ALPK3: variants seen among roughly 807,000 people sequenced by gnomAD.
ALPK3 encodes alpha kinase 3.
In ALPK3, 102 loss-of-function variants were observed where a neutral mutation model predicts 140.0. The observed-to-expected ratio is 0.73, with a 90% confidence interval of 0.62 to 0.86. The LOEUF is 0.86. ALPK3 is among the 40% of genes least tolerant of loss of function. ALPK3 has a pLI of 0.00. For synonymous variants in ALPK3, 938 were observed against 898.5 expected (o/e 1.04, Z -0.79); for missense variants, 2,254 against 2,208.2 (o/e 1.02, Z -0.42).
rs559687719 is a variant in ALPK3, at chr15:84,825,238, G to C, written c.182+1870G>C. On this transcript the variant is annotated intron_variant, in intron 2 of 13. Coordinates refer to ENST00000258888, the MANE Select transcript of ALPK3 (RefSeq NM_020778.5). ...TGTCACCAGGCTGGAGTGCAGTGGC[G>C]TGATCTCGGCTCACTGCAACCTCTG... Among the ~76,000 whole-genome samples, 182 of 151,524 alleles carry C rather than the reference G, an allele frequency of 1.2e-3. 2 individuals are homozygous for C. The highest frequency in any genetic ancestry group is 1.5e-3 in the African/African-American group (60 of 41,224).
rs202153052 is a variant in ALPK3, at chr15:84,857,274, G to C, written c.2536G>C (p.Gly846Arg). 22 of 1,613,972 alleles carry C rather than the reference G, an allele frequency of 1.4e-5. No homozygotes were observed. The Admixed American group carries it at 3.5e-4, about 26-fold the overall frequency. Residue 846 changes from glycine (G) to arginine (R), a missense_variant, in exon 6 of 14, where the codon GGA becomes CGA. By Grantham distance (125) the Gly-to-Arg change is moderately radical (BLOSUM62 -2). Coordinates refer to ENST00000258888, the MANE Select transcript of ALPK3 (RefSeq NM_020778.5). ...FQCPKEERPG[G>R]VPCMDQGGCP... ...GTGCCCCAAGGAGGAGCGGCCAGGG[G>C]GAGTGCCGTGTATGGATCAGGGTGG... is the stretch of plus-strand genomic sequence containing the variant.
In ALPK3 at chr15:84,840,842, T is replaced by C. The variant is rs1963655486; in HGVS notation, c.1563T>C (p.Ser521=). The change falls in exon 5 of 14, where the codon TCT becomes TCC. Residue 521 remains serine (S), a synonymous_variant. Coordinates refer to ENST00000258888, the MANE Select transcript of ALPK3 (RefSeq NM_020778.5). The part of the protein sequence containing the change: ...QSLGKAPPQA[S]VQVPTPPARR... ...TAGGAAAGGCCCCACCTCAGGCCTCTGTGCAGGTGCCGACGCCCCCTGCCC... is the reference window on the plus strand; with the variant it reads ...TAGGAAAGGCCCCACCTCAGGCCTCCGTGCAGGTGCCGACGCCCCCTGCCC... 10 of 1,614,096 alleles carry C rather than the reference T, an allele frequency of 6.2e-6. No individual in the cohort carries two copies. The highest frequency in any genetic ancestry group is 1.1e-5 in the South Asian group (1 of 91,096).
rs1964032936 is a variant in ALPK3, at chr15:84,868,690, C to T, written c.*234C>T. On this transcript the variant is annotated 3_prime_UTR_variant, in exon 14 of 14. Coordinates refer to ENST00000258888, the MANE Select transcript of ALPK3 (RefSeq NM_020778.5). ...CCACTGTCACCCAGGGCTCCCGGGC[C>T]TCAAGCAGTCCCCACCTCCAAGTGC... is the stretch of plus-strand genomic sequence containing the variant. 7.0e-6 allele frequency: 4 copies of T among 570,332 alleles called. No homozygotes were observed. In the African/African-American group the frequency reaches 7.5e-5, roughly 11 times the overall value. The allele number at this position is 570,332 out of a possible 1,614,324, so 35.3% of individuals were successfully genotyped here. A position where few individuals can be genotyped will look rare whatever the true frequency, so the allele number is the denominator to read the frequency against.
intron 12 of ALPK3, among the ~76,000 whole-genome samples, chr15:84,865,704 A>T (rs568541780): frequency 3.3e-5 from 5 of 152,336 alleles, no homozygotes; most frequent in Non-Finnish European, 5.9e-5. Flanking sequence ...CACGCCTGTA[A>T]TCCCAGCACT....
intron 5 of ALPK3, among the ~76,000 whole-genome samples, chr15:84,848,932 G>A (rs547499727): frequency 7.9e-5 from 12 of 151,878 alleles, no homozygotes; most frequent in African/African-American, 1.5e-4. Context: ...ACCTGAGGTC[G>A]GGAGTTCGAG....
intron 4 of ALPK3, 65 bp from the exon 5 acceptor site, chr15:84,839,637 T>C: frequency 6.6e-7 from 1 of 1,523,178 alleles, no homozygotes; most frequent in Non-Finnish European, 8.8e-7. Context: ...CGGCTCTGGC[T>C]GGGGGGTGTG....
rs2141556442 is a variant in ALPK3 at position 84,839,943 on chromosome 15, C to T, written c.664C>T (p.Gln222Ter). The T allele has an allele frequency of 6.2e-7, 1 of 1,613,612 alleles. No individual in the cohort carries two copies. The highest frequency in any genetic ancestry group is 8.5e-7 in the Non-Finnish European group (1 of 1,179,764). ...TLRKLSPDRF[Q>*]RKRRLSGAQA... is the part of the protein sequence containing the mutation. Reference sequence around the variant, plus strand: ...GCGCAAGCTCAGCCCCGACCGCTTCCAGCGAAAGCGGCGATTGAGCGGGGC... The same window carrying T: ...GCGCAAGCTCAGCCCCGACCGCTTCTAGCGAAAGCGGCGATTGAGCGGGGC... The change falls in exon 5 of 14, where the codon CAG (glutamine) becomes TAG (stop). Residue 222 changes from glutamine (Q) to a stop codon, truncating the protein, a stop_gained. Coordinates refer to ENST00000258888, the MANE Select transcript of ALPK3 (RefSeq NM_020778.5). LOFTEE classifies it high-confidence loss of function.
In ALPK3 at chr15:84,840,415, G is replaced by A; in HGVS notation, c.1136G>A (p.Gly379Glu). 6.2e-7 allele frequency: 1 copy of A among 1,613,884 alleles called. No homozygotes were observed. Among genetic ancestry groups the A allele is most frequent in the Non-Finnish European group, 8.5e-7 (1 of 1,179,900 alleles). The change falls in exon 5 of 14, where the codon GGG (glycine) becomes GAG (glutamate). Residue 379 changes from glycine (G) to glutamate (E), a missense_variant. By Grantham distance (98) the Gly-to-Glu change is moderately conservative (BLOSUM62 -2). Transcript: ENST00000258888. ...QPRGRAARGP[G>E]SSGTDSTRKP... ...AGAGGCAGGGCTGCACGGGGGCCTG[G>A]GTCCTCTGGCACAGATAGTACCAGG...
chr15:84,820,100 G>T (rs1001377381), intron 1 of ALPK3, among the ~76,000 whole-genome samples: 3 of 152,208 alleles, frequency 2.0e-5, no homozygotes, highest in Non-Finnish European at 4.4e-5. Flanking sequence ...GTAGGCTAGA[G>T]AAGTTAAGGG....
At position 84,856,591 on chromosome 15, in the gene ALPK3, T is replaced by C. The variant is rs1000115945; in HGVS notation, c.1853T>C (p.Val618Ala). The C allele has an allele frequency of 1.2e-6, 2 of 1,613,790 alleles. No individual in the cohort carries two copies. Among genetic ancestry groups the C allele is most frequent in the Admixed American group, 1.7e-5 (1 of 59,990 alleles). ...KNVQADGKIQ[V>A]DGRTRGDGTQ... ...GTGCAGGCAGATGGGAAGATACAAG[T>C]GGATGGAAGGACCAGGGGAGATGGA... Residue 618 changes from valine (V) to alanine (A), a missense_variant, in exon 6 of 14, where the codon GTG (valine) becomes GCG (alanine). By Grantham distance (64) the Val-to-Ala change is moderately conservative. Coordinates refer to ENST00000258888, the MANE Select transcript of ALPK3 (RefSeq NM_020778.5).
chr15:84,850,580 G>T (rs933055666), intron 5 of ALPK3, among the ~76,000 whole-genome samples: 135 of 151,964 alleles, frequency 8.9e-4, no homozygotes, highest in African/African-American at 2.9e-3. Flanking sequence ...TAGAGACAGG[G>T]TCTTGCTGTG....
At chr15:84,827,397 G>A in intron 2 of ALPK3, 87 bp from the exon 3 acceptor site, 2 of 1,568,746 alleles carry the variant, frequency 1.3e-6, no homozygotes, top group Non-Finnish European at 1.7e-6. Flanking sequence ...GGGCAGGCAT[G>A]GTAAGACGGA....
At chr15:84,825,685 T>C (rs1026148305) in intron 2 of ALPK3, among the ~76,000 whole-genome samples, 10 of 152,106 alleles carry the variant, frequency 6.6e-5, no homozygotes, top group African/African-American at 2.4e-4. Flanking sequence ...TAATTAGGGA[T>C]GGTTTGAATT....
At chr15:84,865,012 C>T (rs993230330) in intron 12 of ALPK3, among the ~76,000 whole-genome samples, 1 of 152,202 alleles carries the variant, frequency 6.6e-6, no homozygotes, top group Admixed American at 6.5e-5. Context: ...TTCCCTGCAG[C>T]TTTGCTCTAG....
chr15:84,835,788 C>A (rs1180249901), intron 3 of ALPK3, among the ~76,000 whole-genome samples: 2 of 152,208 alleles, frequency 1.3e-5, no homozygotes, highest in African/African-American at 4.8e-5. Flanking sequence ...TCCTGAGTCC[C>A]TAGCCAGAGG....
At position 84,860,081 on chromosome 15, in the gene ALPK3, C is replaced by G. The variant is rs760552659; in HGVS notation, c.4129+9C>G. On this transcript the variant is annotated intron_variant, in intron 9 of 13. Coordinates refer to ENST00000258888, the MANE Select transcript of ALPK3 (RefSeq NM_020778.5). ...CAGAGAAGAAGGTGAAGGTATGGTT[C>G]CCCCCTGGGGAAGGCGGGGTGGTCC... 1 of 1,613,892 alleles carries G rather than the reference C, an allele frequency of 6.2e-7. No individual in the cohort carries two copies. Among genetic ancestry groups the G allele is most frequent in the Non-Finnish European group, 8.5e-7 (1 of 1,179,960 alleles).
At position 84,840,342 on chromosome 15, in the gene ALPK3, T is replaced by C. The variant is rs775001362; in HGVS notation, c.1063T>C (p.Cys355Arg). The change falls in exon 5 of 14, where the codon TGT becomes CGT. Residue 355 changes from cysteine (C) to arginine (R), a missense_variant. By Grantham distance (180) the Cys-to-Arg change is radical. This residue lies in a region of ALPK3 where 2,088 missense variants were observed against 2,022.9 expected (regional missense o/e 1.03). Transcript: ENST00000258888. ...CIPSSDEPDS[C>R]GTQGPVGVEQ... ...CCCCAGCTCAGACGAGCCTGACTCC[T>C]GTGGGACTCAGGGGCCCGTGGGCGT... The C allele has an allele frequency of 6.2e-7, 1 of 1,613,832 alleles. No individual in the cohort carries two copies. The highest frequency in any genetic ancestry group is 1.7e-5 in the Admixed American group (1 of 59,944).
At chr15:84,845,489 GAAA>G (rs1963719489) in intron 5 of ALPK3, among the ~76,000 whole-genome samples, 1 of 151,976 alleles carries the variant, frequency 6.6e-6, no homozygotes, top group East Asian at 1.9e-4. Flanking sequence ...CCAGAAGACT[GAAA>G]AAGGGGGCCC....
Position 84,868,434 on chromosome 15 carries a change from C to T in ALPK3, c.5096C>T (p.Ser1699Phe), listed in dbSNP as rs770515435. ...CAGCCTCCCACCCAAGAGGAGGGCTCCAAGGCCCAGGGCATGCGGTAGCCT... is the reference window on the plus strand; with the variant it reads ...CAGCCTCCCACCCAAGAGGAGGGCTTCAAGGCCCAGGGCATGCGGTAGCCT... ...LGQPPTQEEG[S>F]KAQGMR The change falls in exon 14 of 14, where the codon TCC becomes TTC. Residue 1699 changes from serine to phenylalanine, a missense_variant. By Grantham distance (155) the Ser-to-Phe change is radical. This residue lies in a region of ALPK3 where 158 missense variants were observed against 159.8 expected (regional missense o/e 0.99). Transcript: ENST00000258888. 8.1e-6 allele frequency: 13 copies of T among 1,609,862 alleles called. No homozygotes were observed. Among genetic ancestry groups the T allele is most frequent in the Non-Finnish European group, 2.5e-6 (3 of 1,179,940 alleles).
Sources: gnomAD v4.1 joint callset for allele counts (sites outside exome capture counted in the v4.1 genomes callset) on GRCh38, gnomAD v4.1.1 for gene constraint, gnomAD v4.1.1 regional missense constraint, MANE v1.5 for transcripts, NCBI Gene and HGNC (gene_info 2026-07-23, HGNC 2026-07-21) for gene names.